Variants in CHD8 observed in about 807,000 individuals in gnomAD.
CHD8 encodes the protein ATP-dependent chromatin remodeler CHD8.
In CHD8, 31 loss-of-function variants were observed where a neutral mutation model predicts 279.2. That is an observed-to-expected ratio of 0.11 (90% CI 0.08 to 0.15). The LOEUF (loss-of-function observed/expected upper bound fraction) is 0.15, where lower values mean the gene tolerates loss of function less well. Ranked by LOEUF, CHD8 falls within the 10% of genes least tolerant of loss-of-function variation. The pLI is 1.00. For synonymous variants in CHD8, 1,081 were observed against 1,139.6 expected (o/e 0.95, Z 1.04); for missense variants, 2,146 against 3,230.5 (o/e 0.66, Z 8.14).
chr14:21,391,746 C>T (rs1299263418), intron 35 of CHD8, 87 bp downstream of exon 35: 7 of 1,521,712 alleles, frequency 4.6e-6, no homozygotes, highest in Middle Eastern at 1.7e-4. Context: ...TAGTATTTTC[C>T]ATTCCCCCAG....
In CHD8 at chr14:21,408,593, A is replaced by G; in HGVS notation, c.2487-38T>C. On this transcript the variant is annotated intron_variant, in intron 12 of 37. Coordinates refer to ENST00000646647, the MANE Select transcript of CHD8 (RefSeq NM_001170629.2). This position sits in a 1 kb window ranked among gnomAD's most constrained non-coding sequence, Gnocchi z 4.3. ...CATGGGAAAAAAAAAATGTTAAAAG[A>G]TACTATCTTTAAAAAAAATAGAGTA... The G allele has an allele frequency of 6.3e-7, 1 of 1,583,054 alleles. No individual in the cohort carries two copies. The highest frequency in any genetic ancestry group is 8.6e-7 in the Non-Finnish European group (1 of 1,165,518).
At chr14:21,392,882 G>T in intron 33 of CHD8, 73 bp from the exon 34 acceptor site, 1 of 1,442,258 alleles carries the variant, frequency 6.9e-7, no homozygotes, top group Non-Finnish European at 9.6e-7. Context: ...ATACTCAATA[G>T]TGCCATCACT....
chr14:21,443,289 G>A (rs922499414), intron 1 of CHD8, among the ~76,000 whole-genome samples: 2 of 152,054 alleles, frequency 1.3e-5, no homozygotes, highest in African/African-American at 4.8e-5. Flanking sequence ...TACTTGGGAG[G>A]CTGAGGCAGG....
At chr14:21,401,924 GT>G in intron 20 of CHD8, 32 bp downstream of exon 20, 1 of 1,563,310 alleles carries the variant, frequency 6.4e-7, no homozygotes, top group Non-Finnish European at 8.7e-7. Context: ...CGGTCTCTGT[GT>G]TTTTCTAGCC....
At chr14:21,434,047 T>C in intron 1 of CHD8, among the ~76,000 whole-genome samples, 1 of 135,188 alleles carries the variant, frequency 7.4e-6, no homozygotes, top group African/African-American at 2.8e-5. Context: ...TTCTTTTTTT[T>C]TTTTTTTTTT....
Position 21,392,521 on chromosome 14 carries a change from C to G in CHD8, c.6757G>C (p.Val2253Leu), listed in dbSNP as rs1165841570. The change falls in exon 34 of 38, where the codon GTT (valine) becomes CTT (leucine). Residue 2253 changes from valine (V) to leucine (L), a missense_variant. Physicochemically the swap from Val to Leu is conservative, Grantham distance 32. Coordinates refer to ENST00000646647, the MANE Select transcript of CHD8 (RefSeq NM_001170629.2). Reference sequence around the variant, plus strand: ...GCTGAGCTTACATCTTTGATTTGAACTGTAAACTCCTTTTCATCCATGCCT... The same window carrying G: ...GCTGAGCTTACATCTTTGATTTGAAGTGTAAACTCCTTTTCATCCATGCCT... ...RRGMDEKEFT[V>L]QIKDEEGLKL... 9.9e-6 allele frequency: 16 copies of G among 1,612,062 alleles called. No homozygotes were observed. Among genetic ancestry groups the G allele is most frequent in the Non-Finnish European group, 1.4e-5 (16 of 1,179,674 alleles).
chr14:21,431,746 C>A lies in CHD8; in HGVS notation c.-103G>T. The A allele has an allele frequency of 6.2e-7, 1 of 1,612,626 alleles. No homozygotes were observed. The highest frequency in any genetic ancestry group is 8.5e-7 in the Non-Finnish European group (1 of 1,179,052). ...TCCCCTATTAAGAAAAAAATGTACA[C>A]AATGTAAGAGGACTACTCTTCAAGT... On this transcript the variant is annotated 5_prime_UTR_variant, in exon 2 of 38. Transcript: ENST00000646647.
At chr14:21,394,886 A>T in intron 30 of CHD8, 26 bp downstream of exon 30, 1 of 1,608,686 alleles carries the variant, frequency 6.2e-7, no homozygotes. Flanking sequence ...AACACAGATC[A>T]GCACAAGTTC....
chr14:21,413,601 G>C (rs978284008), intron 9 of CHD8: 1 of 152,858 alleles, frequency 6.5e-6, no homozygotes, highest in South Asian at 2.1e-4. Context: ...CACCGTGTTG[G>C]CCATGCTAGT....
Position 21,391,817 on chromosome 14 carries a change from T to A in CHD8, c.6885+16A>T. ...ACAATCTAATCGTCAGGTTAAAGACTTTCTCTACCACTCACCTCTACTAGC... is the reference window on the plus strand; with the variant it reads ...ACAATCTAATCGTCAGGTTAAAGACATTCTCTACCACTCACCTCTACTAGC... On this transcript the variant is annotated intron_variant, in intron 35 of 37. Transcript: ENST00000646647. 1 of 1,588,370 alleles carries A rather than the reference T, an allele frequency of 6.3e-7. No individual in the cohort carries two copies. Among genetic ancestry groups the A allele is most frequent in the Non-Finnish European group, 8.6e-7 (1 of 1,156,474 alleles).
At chr14:21,447,969 A>G (rs1218364459) in intron 1 of CHD8, among the ~76,000 whole-genome samples, 1 of 152,182 alleles carries the variant, frequency 6.6e-6, no homozygotes, top group Non-Finnish European at 1.5e-5. Flanking sequence ...CACTTTTGCG[A>G]TCCAACATAA....
intron 30 of CHD8, 119 bp from the exon 31 acceptor site, chr14:21,394,604 GCA>G (rs1887693321): frequency 4.7e-4 from 14 of 29,546 alleles, no homozygotes; most frequent in South Asian, 2.3e-3. Flanking sequence ...GAAAGTAGAC[GCA>G]AAAAAAAAAA....
chr14:21,443,855 CAA>C (rs369671712), intron 1 of CHD8, among the ~76,000 whole-genome samples: 18 of 47,238 alleles, frequency 3.8e-4, no homozygotes, highest in African/African-American at 1.0e-3. Context: ...GACTCCGTCT[CAA>C]AAAAAAAAAA....
chr14:21,401,285 T>A (rs1888024015), intron 21 of CHD8, 118 bp downstream of exon 21: 4 of 760,266 alleles, frequency 5.3e-6, no homozygotes, highest in East Asian at 2.7e-5. Flanking sequence ...ACAACAGCCC[T>A]TGTATACAAT....
chr14:21,385,925 A>G lies in CHD8; in HGVS notation c.7434T>C (p.Gly2478=), dbSNP rs372638914. The stretch of plus-strand genomic sequence containing the variant: ...CTACATGAGGGGATGATGGTGCACC[A>G]CCCATCACAAATGGCATAAAAGGCA... ...ASLPFMPFVM[G]GAPSSPHVDS... The change falls in exon 38 of 38, where the codon GGT becomes GGC. Residue 2478 remains glycine (G), a synonymous_variant. Transcript: ENST00000646647. The G allele has an allele frequency of 1.3e-6, 2 of 1,553,196 alleles. No homozygotes were observed. Among genetic ancestry groups the G allele is most frequent in the African/African-American group, 1.4e-5 (1 of 73,104 alleles).
chr14:21,423,008 G>C (rs909630301), intron 5 of CHD8, among the ~76,000 whole-genome samples: 4 of 152,050 alleles, frequency 2.6e-5, no homozygotes, highest in African/African-American at 4.8e-5. Context: ...GATCACCTGA[G>C]GTCAGGAGTT....
chr14:21,449,855 T>C lies in CHD8; in HGVS notation c.-216+6177A>G, dbSNP rs550958555. 2.2e-3 allele frequency among the ~76,000 whole-genome samples: 340 copies of C among 152,274 alleles called. 1 individual carries two copies. The highest frequency in any genetic ancestry group is 3.6e-3 in the Non-Finnish European group (242 of 68,022). ...ACTCCAATGACTTTCAGGAGCGTAGTGAAAGGAAGTAACCACTGCCTACAC... is the reference window on the plus strand; with the variant it reads ...ACTCCAATGACTTTCAGGAGCGTAGCGAAAGGAAGTAACCACTGCCTACAC... On this transcript the variant is annotated intron_variant, in intron 1 of 37. Transcript: ENST00000646647.
At chr14:21,395,610 T>C (rs1387663508) in intron 28 of CHD8, 2 of 591,486 alleles carry the variant, frequency 3.4e-6, no homozygotes, top group Non-Finnish European at 6.0e-6. Context: ...TATCTTTCAG[T>C]GTCCAGCTCC....
chr14:21,437,485 G>GGCGCGGTGGCTC (rs1889838356), intron 1 of CHD8, among the ~76,000 whole-genome samples: 1 of 152,096 alleles, frequency 6.6e-6, no homozygotes, highest in Admixed American at 6.5e-5. Flanking sequence ...GGGCTGGCCA[G>GGCGCGGTGGCTC]AGGAACAGTC....
Sources: allele counts gnomAD v4.1 joint callset (sites outside exome capture counted in the v4.1 genomes callset), GRCh38; gene constraint gnomAD v4.1.1; non-coding constraint Gnocchi (gnomAD v3.1); transcripts MANE v1.5; gene names NCBI Gene and HGNC (gene_info 2026-07-23, HGNC 2026-07-21).